Variants in NAV2 observed in about 807,000 individuals in gnomAD.
NAV2 encodes the protein helicase, APC down-regulated 1.
Under a neutral mutation model 223.2 loss-of-function variants are expected in NAV2, and 54 were observed. The observed-to-expected ratio is 0.24, with a 90% confidence interval of 0.19 to 0.30. The LOEUF (loss-of-function observed/expected upper bound fraction) is 0.30. Among genes scored for constraint, NAV2 ranks in the 10% least tolerant of loss-of-function variants. NAV2 has a pLI of 1.00. For synonymous variants in NAV2, 1,279 were observed against 1,239.3 expected, an observed-to-expected ratio of 1.03 and a Z score of -0.67; for missense variants, 2,806 against 3,147.5, an observed-to-expected ratio of 0.89 and a Z score of 2.60.
chr11:19,472,004 TA>T (rs1293569114), intron 1 of NAV2, among the ~76,000 whole-genome samples: 3 of 152,236 alleles, frequency 2.0e-5, no homozygotes, highest in Non-Finnish European at 4.4e-5. Context: ...TTATCCCAAC[TA>T]ACGGGTTGCT....
At chr11:19,423,467 G>C (rs7116527) in intron 1 of NAV2, among the ~76,000 whole-genome samples, 6,403 of 152,270 alleles carry the variant, frequency 0.042, 429 homozygotes, top group African/African-American at 0.15. Flanking sequence ...TCAGAGGTAA[G>C]AGGCTTGAGA....
At chr11:19,512,421 G>A (rs954246895) in intron 1 of NAV2, among the ~76,000 whole-genome samples, 2 of 152,186 alleles carry the variant, frequency 1.3e-5, no homozygotes, top group African/African-American at 4.8e-5. Context: ...ATGCCTCCGA[G>A]GTGCCAACTA....
Position 19,933,222 on chromosome 11 carries a change from T to C in NAV2, c.978T>C (p.Asn326=). The change falls in exon 7 of 38, where the codon AAT becomes AAC. Residue 326 remains asparagine, a synonymous_variant. Coordinates refer to ENST00000349880, the MANE Select transcript of NAV2 (RefSeq NM_145117.5). This position sits in a 1 kb window ranked among gnomAD's most constrained non-coding sequence, Gnocchi z 4.3. ...SASSHPGMSD[N]APASLESGSS... Reference sequence around the variant, plus strand: ...CCTCCCACCCCGGAATGAGTGACAATGCACCTGCTTCCTTGGAGAGCGGCA... The same window carrying C: ...CCTCCCACCCCGGAATGAGTGACAACGCACCTGCTTCCTTGGAGAGCGGCA... The C allele has an allele frequency of 1.3e-6, 2 of 1,576,806 alleles. No individual in the cohort carries two copies. Among genetic ancestry groups the C allele is most frequent in the Admixed American group, 1.8e-5 (1 of 54,442 alleles).
chr11:19,913,179 T>C (rs911052195), intron 6 of NAV2, among the ~76,000 whole-genome samples: 4 of 152,250 alleles, frequency 2.6e-5, no homozygotes, highest in African/African-American at 9.6e-5. Flanking sequence ...TGAAAAATAA[T>C]TAGGGTACCT....
intron 1 of NAV2, among the ~76,000 whole-genome samples, chr11:19,375,537 C>G (rs867133950): frequency 1.8e-4 from 27 of 152,206 alleles, no homozygotes; most frequent in African/African-American, 5.3e-4. Flanking sequence ...GGTCTCCCAG[C>G]CTCTCCTTCC....
intron 1 of NAV2, among the ~76,000 whole-genome samples, chr11:19,355,258 T>G (rs1285583534): frequency 6.6e-6 from 1 of 151,950 alleles, no homozygotes; most frequent in South Asian, 2.1e-4. Flanking sequence ...GTTGTTTTTT[T>G]TTTTTTTTTT....
intron 1 of NAV2, among the ~76,000 whole-genome samples, chr11:19,395,354 T>G (rs1332448522): frequency 6.6e-6 from 1 of 152,252 alleles, no homozygotes; most frequent in African/African-American, 2.4e-5. Flanking sequence ...GTGTGCATTT[T>G]GAAGGCCTCC....
chr11:19,969,547 A>T (rs1005205193), intron 10 of NAV2, among the ~76,000 whole-genome samples: 11 of 152,194 alleles, frequency 7.2e-5, no homozygotes, highest in African/African-American at 2.7e-4. Flanking sequence ...TGGATGCCTG[A>T]AACTGCAGAC....
chr11:19,487,857 CCAAAGTA>C (rs11279865), intron 1 of NAV2, among the ~76,000 whole-genome samples: 139,062 of 151,798 alleles, frequency 0.92, 64,945 homozygotes, highest in East Asian at 1. Flanking sequence ...GTAAGAGACC[CCAAAGTA>C]CAAAGTAGAG....
chr11:19,886,143 A>G (rs1462052162), intron 5 of NAV2, among the ~76,000 whole-genome samples: 1 of 140,900 alleles, frequency 7.1e-6, no homozygotes, highest in Admixed American at 7.0e-5. Context: ...ATACCCAGCT[A>G]ATTTTTTTTT....
chr11:19,377,047 A>G (rs1186968732), intron 1 of NAV2, among the ~76,000 whole-genome samples: 1 of 152,176 alleles, frequency 6.6e-6, no homozygotes, highest in Non-Finnish European at 1.5e-5. Flanking sequence ...GAAGGCTGTA[A>G]AACATGGCGT....
At chr11:19,591,484 T>C (rs768527453) in intron 1 of NAV2, among the ~76,000 whole-genome samples, 2 of 152,230 alleles carry the variant, frequency 1.3e-5, no homozygotes, top group Non-Finnish European at 2.9e-5. Flanking sequence ...GAATAGCAGA[T>C]GACCAACAAA....
chr11:19,990,804 T>C (rs188915114), intron 11 of NAV2, among the ~76,000 whole-genome samples: 2 of 152,322 alleles, frequency 1.3e-5, no homozygotes, highest in Non-Finnish European at 2.9e-5. Flanking sequence ...TCATTTCCAG[T>C]ACTCAAAAGT....
chr11:19,390,800 C>A (rs1437636042), intron 1 of NAV2, among the ~76,000 whole-genome samples: 2 of 152,070 alleles, frequency 1.3e-5, no homozygotes, highest in African/African-American at 4.8e-5. Flanking sequence ...GAAGAAGAAG[C>A]CAAATGTACC....
chr11:19,746,833 C>T (rs370727742), intron 1 of NAV2, among the ~76,000 whole-genome samples: 30 of 151,390 alleles, frequency 2.0e-4, no homozygotes, highest in East Asian at 3.9e-4. Context: ...ATGTCTGTCC[C>T]GGCTTAAAAA....
chr11:19,745,552 T>A (rs7937492), intron 1 of NAV2, among the ~76,000 whole-genome samples: 1 of 151,928 alleles, frequency 6.6e-6, no homozygotes, highest in Admixed American at 6.5e-5. Flanking sequence ...AATACAATCT[T>A]TCTTGGGGGT....
chr11:20,028,812 CTCTT>C (rs1422369173), intron 11 of NAV2, among the ~76,000 whole-genome samples: 3 of 152,120 alleles, frequency 2.0e-5, no homozygotes, highest in Non-Finnish European at 4.4e-5. Flanking sequence ...AGATTGCATC[CTCTT>C]TCTTTGGATA....
At chr11:19,800,715 A>G (rs1179721132) in intron 1 of NAV2, among the ~76,000 whole-genome samples, 6 of 145,448 alleles carry the variant, frequency 4.1e-5, no homozygotes, top group South Asian at 2.3e-4. Context: ...GTTTGTATGC[A>G]TGTGTGTATA....
In NAV2 at chr11:19,605,552, G is replaced by A. The variant is rs375776055; in HGVS notation, c.76-226932G>A. Among the ~76,000 whole-genome samples the A allele has an allele frequency of 8.1e-3, 1,194 of 146,940 alleles. 13 individuals are homozygous for A. Among genetic ancestry groups the A allele is most frequent in the African/African-American group, 0.029 (1,140 of 39,142 alleles). On this transcript the variant is annotated intron_variant, in intron 1 of 37. Coordinates refer to the NAV2 transcript ENST00000360655. ...ATATTATTTAAAAAAAAAAAAAAAA[G>A]AAAGTCATGAAAAGCTGCATAAGCT...
Sources: allele counts gnomAD v4.1 joint callset (sites outside exome capture counted in the v4.1 genomes callset), GRCh38; gene constraint gnomAD v4.1.1; non-coding constraint Gnocchi (gnomAD v3.1); transcripts MANE v1.5; gene names NCBI Gene and HGNC (gene_info 2026-07-23, HGNC 2026-07-21).